The following RPS6KA2 variants were observed in gnomAD, a reference collection of about 807,000 sequenced individuals.
The protein encoded by RPS6KA2 is ribosomal protein S6 kinase alpha-2.
Under a neutral mutation model 91.8 loss-of-function variants are expected in RPS6KA2, and 42 were observed. That is an observed-to-expected ratio of 0.46 (90% CI 0.36 to 0.59). The LOEUF (loss-of-function observed/expected upper bound fraction) is 0.59, where lower values mean the gene tolerates loss of function less well. Among genes scored for constraint, RPS6KA2 ranks in the 20% least tolerant of loss-of-function variants. The pLI, the probability that RPS6KA2 is intolerant of heterozygous loss-of-function variation, is 0.00. For synonymous variants in RPS6KA2, 414 were observed against 393.6 expected, an observed-to-expected ratio of 1.05 and a Z score of -0.61; for missense variants, 798 against 978.5, an observed-to-expected ratio of 0.82 and a Z score of 2.46.
At chr6:166,763,747 G>C (rs1046579956) in intron 2 of RPS6KA2, among the ~76,000 whole-genome samples, 1 of 152,154 alleles carries the variant, frequency 6.6e-6, no homozygotes, top group South Asian at 2.1e-4. Flanking sequence ...GATGAACGGC[G>C]ACGACCTTGT....
intron 2 of RPS6KA2, among the ~76,000 whole-genome samples, chr6:166,684,217 G>A (rs1012031654): frequency 6.6e-6 from 1 of 152,164 alleles, no homozygotes; most frequent in Non-Finnish European, 1.5e-5. Context: ...GTACCCATCA[G>A]TGTGCCATGT....
chr6:166,440,159 T>C (rs955067241), intron 14 of RPS6KA2: 2 of 152,224 alleles, frequency 1.3e-5, no homozygotes, highest in African/African-American at 2.4e-5. Flanking sequence ...GTTGCATTCC[T>C]AAACAATAGG....
rs535767184 is a variant in RPS6KA2, at chr6:166,677,478, A to T, written c.124-138694T>A. On this transcript the variant is annotated intron_variant, in intron 2 of 21. Coordinates refer to the RPS6KA2 transcript ENST00000503859. ...CAGGCTCAAGCAACCCTCTTGCCTC[A>T]GCCTTCCGAGTAGCTGGGACTACAG... 1.6e-3 allele frequency among the ~76,000 whole-genome samples: 242 copies of T among 151,180 alleles called. 1 individual carries two copies. The highest frequency in any genetic ancestry group is 5.8e-3 in the African/African-American group (237 of 41,146).
At chr6:166,746,107 T>C (rs976449266) in intron 2 of RPS6KA2, among the ~76,000 whole-genome samples, 1 of 152,142 alleles carries the variant, frequency 6.6e-6, no homozygotes, top group Admixed American at 6.5e-5. Context: ...CTTTAGATGG[T>C]CCTTTCAGCA....
chr6:166,698,403 G>C (rs1186486231), intron 2 of RPS6KA2, among the ~76,000 whole-genome samples: 1 of 152,162 alleles, frequency 6.6e-6, no homozygotes, highest in East Asian at 1.9e-4. Context: ...TGGAAGTCAG[G>C]CTGAGGTCAA....
chr6:166,553,938 GA>G (rs1784099353), intron 1 of RPS6KA2, among the ~76,000 whole-genome samples: 1 of 152,084 alleles, frequency 6.6e-6, no homozygotes, highest in Non-Finnish European at 1.5e-5. Context: ...TAGCCCTGCT[GA>G]AAAATACACA....
chr6:166,436,879 G>A (rs1051307108), intron 14 of RPS6KA2, among the ~76,000 whole-genome samples: 1 of 152,158 alleles, frequency 6.6e-6, no homozygotes, highest in African/African-American at 2.4e-5. Context: ...ACCCTCCTGG[G>A]CTCCCGCCTT....
intron 1 of RPS6KA2, among the ~76,000 whole-genome samples, chr6:166,547,487 G>A (rs377638554): frequency 1.7e-4 from 26 of 152,330 alleles, no homozygotes; most frequent in South Asian, 1.0e-3. Context: ...GGTCATGCAC[G>A]GTGTTTGTGA....
rs993284621 is a variant in RPS6KA2 at position 166,648,040 on chromosome 6, TCACA to T, written c.124-109260_124-109257del. ...TACACACATACATACACACATGCTC[TCACA>T]CACATGCACATGCTCACACACATGC... On this transcript the variant is annotated intron_variant, in intron 2 of 21. Transcript: ENST00000503859. This position sits in a 1 kb window ranked among gnomAD's most constrained non-coding sequence, Gnocchi z 4.8. Among the ~76,000 whole-genome samples, 2 of 114,930 alleles carry T rather than the reference TCACA, an allele frequency of 1.7e-5. No homozygotes were observed. The highest frequency in any genetic ancestry group is 7.4e-5 in the African/African-American group (2 of 26,876). The allele number at this position is 114,930 out of a possible 152,430, so 75.4% of individuals were successfully genotyped here.
intron 2 of RPS6KA2, among the ~76,000 whole-genome samples, chr6:166,681,699 C>T (rs2345256): frequency 3.2e-5 from 2 of 62,642 alleles, no homozygotes; most frequent in Non-Finnish European, 6.0e-5. Context: ...CGCCCCCCCC[C>T]CCGCCCCCGC....
At chr6:166,854,102 G>C (rs895951898) in intron 2 of RPS6KA2, among the ~76,000 whole-genome samples, 1 of 152,166 alleles carries the variant, frequency 6.6e-6, no homozygotes, top group African/African-American at 2.4e-5. Context: ...GATGAAATTA[G>C]ACCAAGAATC....
intron 2 of RPS6KA2, chr6:166,701,211 A>C: frequency 1.2e-6 from 2 of 1,612,132 alleles, no homozygotes; most frequent in Non-Finnish European, 1.7e-6. Flanking sequence ...CATAGAAGTG[A>C]CCAGTTATTT....
intron 17 of RPS6KA2, among the ~76,000 whole-genome samples, chr6:166,422,970 G>A (rs77366200): frequency 0.02 from 3,075 of 152,276 alleles, 54 homozygotes; most frequent in Non-Finnish European, 0.031. Context: ...GAATAAATAT[G>A]CAGATTTCAT....
intron 1 of RPS6KA2, among the ~76,000 whole-genome samples, chr6:166,540,283 T>C (rs1220913022): frequency 6.6e-6 from 1 of 152,222 alleles, no homozygotes; most frequent in East Asian, 1.9e-4. Context: ...TACCTCCATG[T>C]CACAAATAGA....
At chr6:166,643,701 G>C (rs1031056451) in intron 2 of RPS6KA2, among the ~76,000 whole-genome samples, 5 of 152,112 alleles carry the variant, frequency 3.3e-5, no homozygotes, top group African/African-American at 9.7e-5. Context: ...CTTCAATTTT[G>C]TTTACCAAGA....
chr6:166,609,277 A>T (rs1265298343), intron 1 of RPS6KA2, among the ~76,000 whole-genome samples: 3 of 152,170 alleles, frequency 2.0e-5, no homozygotes. Flanking sequence ...TAAGATGTTT[A>T]AAAAACTGGG....
At chr6:166,736,251 C>T (rs529506999) in intron 2 of RPS6KA2, among the ~76,000 whole-genome samples, 1 of 152,292 alleles carries the variant, frequency 6.6e-6, no homozygotes, top group African/African-American at 2.4e-5. Flanking sequence ...ATATTCAATC[C>T]ACTGGGTCAT....
At chr6:166,456,884 C>T (rs2128458761) in intron 12 of RPS6KA2, among the ~76,000 whole-genome samples, 1 of 152,306 alleles carries the variant, frequency 6.6e-6, no homozygotes, top group South Asian at 2.1e-4. Flanking sequence ...TTCTGAATAG[C>T]ACTGGAGTGC....
chr6:166,655,010 CTAAT>C (rs1787964452), intron 2 of RPS6KA2, among the ~76,000 whole-genome samples: 1 of 152,132 alleles, frequency 6.6e-6, no homozygotes, highest in Non-Finnish European at 1.5e-5. Context: ...GGGGAAGAAT[CTAAT>C]TAACTTTGAA....
Sources: allele counts gnomAD v4.1 joint callset (sites outside exome capture counted in the v4.1 genomes callset), GRCh38; gene constraint gnomAD v4.1.1; non-coding constraint Gnocchi (gnomAD v3.1); transcripts MANE v1.5; gene names NCBI Gene and HGNC (gene_info 2026-07-23, HGNC 2026-07-21).